The following NUP153 variants were observed in gnomAD, a reference collection of about 807,000 sequenced individuals.
NUP153 encodes the protein nucleoporin 153.
A neutral mutation model predicts 134.6 loss-of-function variants in NUP153; 27 were observed. The observed-to-expected ratio is 0.20, with a 90% CI of 0.15 to 0.28. The LOEUF (loss-of-function observed/expected upper bound fraction) is 0.28, where lower values mean the gene tolerates loss of function less well. NUP153 is among the 10% of genes least tolerant of loss of function. The pLI, the probability that NUP153 is intolerant of heterozygous loss-of-function variation, is 1.00. For missense variants in NUP153, 1,821 were observed against 1,731.3 expected, an observed-to-expected ratio of 1.05 and a Z score of -0.92; for synonymous variants, 640 against 623.5, an observed-to-expected ratio of 1.03 and a Z score of -0.40.
chr6:17,696,583 G>A (rs538526710), intron 1 of NUP153, among the ~76,000 whole-genome samples: 7 of 152,126 alleles, frequency 4.6e-5, no homozygotes, highest in South Asian at 4.2e-4. Flanking sequence ...GTGAAACCCC[G>A]TCTCTATTAA....
rs529673781 is a variant in NUP153, at chr6:17,669,668, A to G, written c.853-122T>C. The stretch of plus-strand genomic sequence containing the variant: ...GTAAAACAGGATTTAATGCATTAAC[A>G]GCAATTTATCTTTGGGTGGTATCAT... On this transcript the variant is annotated intron_variant, in intron 5 of 21. Coordinates refer to ENST00000262077, the MANE Select transcript of NUP153 (RefSeq NM_005124.4). 17 of 692,202 alleles carry G rather than the reference A, an allele frequency of 2.5e-5. No homozygotes were observed. The African/African-American group carries it at 2.8e-4, about 12-fold the overall frequency. The allele number at this position is 692,202 out of a possible 1,614,324, so 42.9% of individuals were successfully genotyped here. A position where few individuals can be genotyped will look rare whatever the true frequency, so the allele number is the denominator to read the frequency against.
intron 5 of NUP153, among the ~76,000 whole-genome samples, chr6:17,671,764 T>A (rs1200432565): frequency 1.3e-5 from 2 of 152,176 alleles, no homozygotes; most frequent in South Asian, 2.1e-4. Context: ...ACCAGCACTT[T>A]TGGGAGGCCA....
At chr6:17,658,874 G>C (rs1394765940) in intron 11 of NUP153, among the ~76,000 whole-genome samples, 1 of 151,758 alleles carries the variant, frequency 6.6e-6, no homozygotes, top group Non-Finnish European at 1.5e-5. Context: ...AGCCAAACTT[G>C]CACACAAAAA....
At chr6:17,683,315 A>C (rs1335807075) in intron 2 of NUP153, among the ~76,000 whole-genome samples, 1 of 152,240 alleles carries the variant, frequency 6.6e-6, no homozygotes, top group Non-Finnish European at 1.5e-5. Flanking sequence ...CTGAGGAATG[A>C]CTATGATAGC....
intron 8 of NUP153, among the ~76,000 whole-genome samples, chr6:17,667,105 C>A (rs1014750074): frequency 6.6e-6 from 1 of 152,124 alleles, no homozygotes; most frequent in African/African-American, 2.4e-5. Flanking sequence ...TACATTATGA[C>A]ATAATTTTAA....
At chr6:17,693,183 TACACACACACAC>T (rs67348223) in intron 1 of NUP153, among the ~76,000 whole-genome samples, 7 of 145,822 alleles carry the variant, frequency 4.8e-5, no homozygotes, top group African/African-American at 1.5e-4. Context: ...AGCTTTTTCC[TACACACACACAC>T]ACACACACAC....
At chr6:17,622,824 A>G (rs1417321973) in intron 20 of NUP153, among the ~76,000 whole-genome samples, 1 of 152,122 alleles carries the variant, frequency 6.6e-6, no homozygotes, top group African/African-American at 2.4e-5. Flanking sequence ...CTAACCTTAC[A>G]GTGTCTCTAT....
Position 17,675,059 on chromosome 6 carries a change from A to G in NUP153, c.724-26T>C. ...CTGCACAGAAACAGAATGATAAATT[A>G]TAAGCCATATGAACCCAGGAGGTGG... On this transcript the variant is annotated intron_variant, in intron 4 of 21. Coordinates refer to ENST00000262077, the MANE Select transcript of NUP153 (RefSeq NM_005124.4). The surrounding 1 kb of genome is among the most constrained non-coding windows in gnomAD (Gnocchi z 4.4). 5 of 1,612,298 alleles carry G rather than the reference A, an allele frequency of 3.1e-6. No individual in the cohort carries two copies. Among genetic ancestry groups the G allele is most frequent in the Admixed American group, 3.3e-5 (2 of 59,738 alleles).
chr6:17,686,208 G>A (rs560415693), intron 2 of NUP153, among the ~76,000 whole-genome samples: 1 of 151,928 alleles, frequency 6.6e-6, no homozygotes, highest in Non-Finnish European at 1.5e-5. Flanking sequence ...CCTTAGGTAA[G>A]TCCTTCTGGA....
At chr6:17,660,637 TG>T (rs957128304) in intron 11 of NUP153, among the ~76,000 whole-genome samples, 1 of 151,580 alleles carries the variant, frequency 6.6e-6, no homozygotes, top group Non-Finnish European at 1.5e-5. Flanking sequence ...AGGAAAAAAA[TG>T]GATCAAGAGA....
At chr6:17,652,868 CA>C (rs550314497) in intron 11 of NUP153, among the ~76,000 whole-genome samples, 112 of 145,284 alleles carry the variant, frequency 7.7e-4, no homozygotes, top group African/African-American at 1.8e-3. Context: ...ACTAAAAATA[CA>C]AAAAAAAAAA....
intron 2 of NUP153, among the ~76,000 whole-genome samples, chr6:17,679,370 G>A (rs1439630853): frequency 6.6e-6 from 1 of 152,126 alleles, no homozygotes; most frequent in East Asian, 1.9e-4. Flanking sequence ...CCGAAAGAAA[G>A]AAAACAGAAA....
chr6:17,661,418 C>G (rs1402301476), intron 11 of NUP153, among the ~76,000 whole-genome samples: 1 of 152,178 alleles, frequency 6.6e-6, no homozygotes, highest in Non-Finnish European at 1.5e-5. Flanking sequence ...CAAATAATTT[C>G]AATTGCAATT....
intron 17 of NUP153, among the ~76,000 whole-genome samples, chr6:17,630,386 G>A (rs1302417643): frequency 2.6e-5 from 4 of 152,180 alleles, no homozygotes; most frequent in Admixed American, 6.5e-5. Flanking sequence ...CAGACTGGGC[G>A]TGGTAGCTCA....
chr6:17,629,377 C>T lies in NUP153; in HGVS notation c.2822G>A (p.Gly941Glu), dbSNP rs1166872849. Residue 941 changes from glycine to glutamate, a missense_variant, in exon 18 of 22, where the codon GGG becomes GAG. Physicochemically the swap from Gly to Glu is moderately conservative, Grantham distance 98. Transcript: ENST00000262077. Reference sequence around the variant, plus strand: ...GCCTTCACTCATGGGGTTTATAGACCCAGAATCGGATGACACACCTATTTT... The same window carrying T: ...GCCTTCACTCATGGGGTTTATAGACTCAGAATCGGATGACACACCTATTTT... Reference protein sequence around the residue: ...GFKIGVSSDSGSINPMSEGFK... With the variant: ...GFKIGVSSDSESINPMSEGFK... 5.6e-6 allele frequency: 9 copies of T among 1,613,504 alleles called. No homozygotes were observed. The highest frequency in any genetic ancestry group is 1.3e-5 in the African/African-American group (1 of 74,826).
In NUP153 at chr6:17,647,003, T is replaced by C. The variant is rs1037839640; in HGVS notation, c.1632+804A>G. 4.7e-5 allele frequency among the ~76,000 whole-genome samples: 7 copies of C among 149,262 alleles called. No individual in the cohort carries two copies. In the South Asian group the frequency reaches 1.1e-3, roughly 23 times the overall value. ...AACTCTTGACCTCAAGTGATCCACC[T>C]GCCTCGGCCTCCCAAAGTGCTGGGA... is the stretch of plus-strand genomic sequence containing the variant. On this transcript the variant is annotated intron_variant, in intron 13 of 21. Transcript: ENST00000262077.
intron 11 of NUP153, among the ~76,000 whole-genome samples, chr6:17,653,080 C>G (rs1276555165): frequency 6.6e-6 from 1 of 152,062 alleles, no homozygotes; most frequent in African/African-American, 2.4e-5. Context: ...TGGTGAAACC[C>G]TGTCTCTAAT....
In NUP153 at chr6:17,680,453, A is replaced by C. The variant is rs1262152065; in HGVS notation, c.335-4683T>G. ...GAACCATATACAAAAATTAACTCTA[A>C]ATGGATTAAAGACCAAAGTATAACA... On this transcript the variant is annotated intron_variant, in intron 2 of 21. Coordinates refer to ENST00000262077, the MANE Select transcript of NUP153 (RefSeq NM_005124.4). This position sits in a 1 kb window ranked among gnomAD's most constrained non-coding sequence, Gnocchi z 4.5. 6.6e-6 allele frequency among the ~76,000 whole-genome samples: 1 copy of C among 152,196 alleles called. No individual in the cohort carries two copies. The highest frequency in any genetic ancestry group is 1.9e-4 in the East Asian group (1 of 5,192).
At chr6:17,631,990 C>T (rs1245937850) in intron 17 of NUP153, among the ~76,000 whole-genome samples, 2 of 151,666 alleles carry the variant, frequency 1.3e-5, no homozygotes, top group Admixed American at 6.6e-5. Context: ...AATCTGGCCT[C>T]CAGTTAGTTT....
Sources: allele counts gnomAD v4.1 joint callset (sites outside exome capture counted in the v4.1 genomes callset), GRCh38; gene constraint gnomAD v4.1.1; non-coding constraint Gnocchi (gnomAD v3.1); transcripts MANE v1.5; gene names NCBI Gene and HGNC (gene_info 2026-07-23, HGNC 2026-07-21).